The following PDE8A variants were observed in gnomAD, a reference collection of about 807,000 sequenced individuals.
PDE8A encodes the protein high affinity cAMP-specific and IBMX-insensitive 3',5'-cyclic phosphodiesterase 8A.
A neutral mutation model predicts 105.0 loss-of-function variants in PDE8A; 59 were observed. The ratio of observed to expected loss-of-function variants is 0.56; its 90% confidence interval spans 0.46 to 0.70. The LOEUF (loss-of-function observed/expected upper bound fraction) is 0.70. Ranked by LOEUF, PDE8A falls within the 30% of genes least tolerant of loss-of-function variation. The pLI, the probability that PDE8A is intolerant of heterozygous loss-of-function variation, is 0.00. For synonymous variants in PDE8A, 355 were observed against 371.9 expected, an observed-to-expected ratio of 0.95 and a Z score of 0.52; for missense variants, 1,014 against 1,045.9, an observed-to-expected ratio of 0.97 and a Z score of 0.42.
intron 1 of PDE8A, among the ~76,000 whole-genome samples, chr15:85,031,218 A>T (rs1201350771): frequency 2.0e-5 from 3 of 152,360 alleles, no homozygotes; most frequent in Admixed American, 2.0e-4. Context: ...GACTAGACTG[A>T]GGCCTGGAGT....
chr15:85,007,247 C>A (rs1206600210), intron 1 of PDE8A, among the ~76,000 whole-genome samples: 2 of 151,952 alleles, frequency 1.3e-5, no homozygotes, highest in Non-Finnish European at 2.9e-5. Context: ...TGATTATATG[C>A]TTAGAGCAGT....
intron 3 of PDE8A, among the ~76,000 whole-genome samples, chr15:85,068,151 C>T (rs1487026214): frequency 1.3e-5 from 2 of 152,168 alleles, no homozygotes; most frequent in Non-Finnish European, 2.9e-5. Context: ...AGGGATTCTC[C>T]TGCCTCAGCC....
chr15:84,982,393 C>G (rs768681560), intron 1 of PDE8A, 45 bp downstream of exon 1: 1 of 1,249,978 alleles, frequency 8.0e-7, no homozygotes, highest in Non-Finnish European at 1.0e-6. Flanking sequence ...AACTCGGGCC[C>G]GGCCAGTAAG....
intron 3 of PDE8A, among the ~76,000 whole-genome samples, chr15:85,072,072 A>G (rs2081319686): frequency 6.6e-6 from 1 of 152,236 alleles, no homozygotes; most frequent in African/African-American, 2.4e-5. Flanking sequence ...ATCTATGTTG[A>G]ATGCAGAAGC....
chr15:85,109,265 T>C, intron 12 of PDE8A, 135 bp downstream of exon 12: 1 of 533,940 alleles, frequency 1.9e-6, no homozygotes, highest in Non-Finnish European at 3.4e-6. Context: ...GAAACTAGTG[T>C]TCCCTTTCTC....
chr15:84,994,833 AG>A (rs892012127), intron 1 of PDE8A, among the ~76,000 whole-genome samples: 10 of 152,234 alleles, frequency 6.6e-5, no homozygotes, highest in African/African-American at 2.4e-4. Flanking sequence ...GCATGGTGGC[AG>A]GTGCCTATAA....
chr15:85,054,222 G>A (rs2081022604), intron 1 of PDE8A, among the ~76,000 whole-genome samples: 3 of 152,172 alleles, frequency 2.0e-5, no homozygotes, highest in African/African-American at 7.2e-5. Context: ...CAGTTTGCCA[G>A]TATTTTATTC....
chr15:85,088,235 G>A (rs1160657276), intron 6 of PDE8A, among the ~76,000 whole-genome samples: 1 of 152,184 alleles, frequency 6.6e-6, no homozygotes. Flanking sequence ...ACGTTGGCCA[G>A]GCTGGTCTTG....
chr15:85,010,040 T>A (rs2080215566), intron 1 of PDE8A, among the ~76,000 whole-genome samples: 1 of 152,224 alleles, frequency 6.6e-6, no homozygotes, highest in Non-Finnish European at 1.5e-5. Context: ...ACATGCTATA[T>A]GATTTAGTTT....
chr15:85,072,747 C>T (rs550990204), intron 3 of PDE8A, among the ~76,000 whole-genome samples: 1 of 152,158 alleles, frequency 6.6e-6, no homozygotes, highest in African/African-American at 2.4e-5. Context: ...TTAAACCACT[C>T]TTCTCTGGTG....
intron 20 of PDE8A, among the ~76,000 whole-genome samples, chr15:85,130,578 G>A (rs2082316952): frequency 6.6e-6 from 1 of 152,034 alleles, no homozygotes; most frequent in East Asian, 1.9e-4. Flanking sequence ...CATTCTGTTA[G>A]GTCCAGTTGG....
intron 18 of PDE8A, among the ~76,000 whole-genome samples, chr15:85,121,899 G>C (rs900186603): frequency 3.9e-5 from 6 of 152,106 alleles, no homozygotes; most frequent in African/African-American, 1.4e-4. Context: ...TTTGTAACTA[G>C]CTTTTTTCAC....
chr15:85,109,935 G>T (rs950539332), intron 12 of PDE8A, among the ~76,000 whole-genome samples: 1 of 152,218 alleles, frequency 6.6e-6, no homozygotes, highest in South Asian at 2.1e-4. Context: ...GTTATGGGAA[G>T]ACTGTAAGCT....
At chr15:85,137,597 G>GTTACC (rs2082432420) in intron 21 of PDE8A, among the ~76,000 whole-genome samples, 200 bp from the exon 22 acceptor site, 1 of 152,226 alleles carries the variant, frequency 6.6e-6, no homozygotes, top group Non-Finnish European at 1.5e-5. Flanking sequence ...GGTGGTCACA[G>GTTACC]AGGAGGTGCT....
At chr15:85,052,091 C>A (rs1038650031) in intron 1 of PDE8A, among the ~76,000 whole-genome samples, 1 of 151,962 alleles carries the variant, frequency 6.6e-6, no homozygotes, top group African/African-American at 2.4e-5. Context: ...TCTGTCCTTG[C>A]AATAGTTTGC....
At chr15:85,099,940 G>A (rs189202238) in intron 9 of PDE8A, 75 bp from the exon 10 acceptor site, 264 of 1,247,936 alleles carry the variant, frequency 2.1e-4, no homozygotes, top group Middle Eastern at 1.9e-4. Context: ...TGCCATTTTC[G>A]TAATGAAAAA....
chr15:84,989,641 G>A (rs961813813), intron 1 of PDE8A, among the ~76,000 whole-genome samples: 16 of 152,216 alleles, frequency 1.1e-4, no homozygotes, highest in African/African-American at 3.4e-4. Flanking sequence ...CTCAAGTACA[G>A]AGTGAAGCTA....
At chr15:85,132,271 A>T (rs2141651596) in intron 20 of PDE8A, among the ~76,000 whole-genome samples, 1 of 152,026 alleles carries the variant, frequency 6.6e-6, no homozygotes, top group East Asian at 1.9e-4. Context: ...GTTGGCTATT[A>T]TTTCTTCAAA....
chr15:85,105,287 G>A (rs1341657122), intron 11 of PDE8A, among the ~76,000 whole-genome samples: 1 of 152,128 alleles, frequency 6.6e-6, no homozygotes, highest in East Asian at 1.9e-4. Flanking sequence ...GTTACCAGAG[G>A]CCCATGTGCA....
Sources: gnomAD v4.1 joint callset for allele counts (sites outside exome capture counted in the v4.1 genomes callset) on GRCh38, gnomAD v4.1.1 for gene constraint, MANE v1.5 for transcripts, NCBI Gene and HGNC (gene_info 2026-07-23, HGNC 2026-07-21) for gene names.